PCDHA7: variants seen among roughly 807,000 people sequenced by gnomAD.
PCDHA7 encodes the protein protocadherin alpha 7, also known as protocadherin alpha-7.
Under a neutral mutation model 57.2 loss-of-function variants are expected in PCDHA7, and 37 were observed. The observed-to-expected ratio is 0.65, with a 90% CI of 0.50 to 0.85. The LOEUF is 0.85. PCDHA7 is among the 40% of genes least tolerant of loss of function. The pLI, the probability that PCDHA7 is intolerant of heterozygous loss-of-function variation, is 0.00. For missense variants in PCDHA7, 1,188 were observed against 1,241.8 expected (o/e 0.96, Z 0.65); for synonymous variants, 553 against 558.8 (o/e 0.99, Z 0.15).
chr5:140,942,601 G>T (rs562403777), intron 1 of PCDHA7, among the ~76,000 whole-genome samples: 1 of 130,586 alleles, frequency 7.7e-6, no homozygotes, highest in South Asian at 2.4e-4. Flanking sequence ...TAATTATAGT[G>T]TTTATATTTG....
intron 1 of PCDHA7, among the ~76,000 whole-genome samples, chr5:140,923,218 TCG>T (rs1584297306): frequency 7.4e-6 from 1 of 135,282 alleles, no homozygotes; most frequent in Non-Finnish European, 1.7e-5. Flanking sequence ...GGTGAAAGGA[TCG>T]TTTGAGCCCA....
intron 1 of PCDHA7, chr5:140,870,486 G>C (rs1318169830): frequency 5.0e-6 from 8 of 1,614,136 alleles, no homozygotes; most frequent in South Asian, 1.1e-5. Context: ...AGTACACCGT[G>C]TTCGTGAAGG....
At chr5:140,991,843 T>G (rs2097475576) in intron 3 of PCDHA7, among the ~76,000 whole-genome samples, 1 of 152,194 alleles carries the variant, frequency 6.6e-6, no homozygotes, top group Admixed American at 6.6e-5. Context: ...GAACCGCACT[T>G]CCAGATACCA....
intron 1 of PCDHA7, chr5:140,841,468 G>C: frequency 6.2e-7 from 1 of 1,612,986 alleles, no homozygotes; most frequent in Non-Finnish European, 8.5e-7. Flanking sequence ...GCCGGATCGC[G>C]CAGGACCTGG....
chr5:140,859,869 C>T (rs2046062813), intron 1 of PCDHA7: 1 of 151,680 alleles, frequency 6.6e-6, no homozygotes, highest in South Asian at 2.1e-4. Flanking sequence ...TATATACTTC[C>T]CCCTCTGATA....
At chr5:140,969,241 A>G (rs1554231627) in intron 1 of PCDHA7, 2 of 1,614,230 alleles carry the variant, frequency 1.2e-6, no homozygotes, top group Admixed American at 3.3e-5. Context: ...CCCAAGCAGC[A>G]GTGACTGACA....
At chr5:140,884,193 C>T (rs1554181316) in intron 1 of PCDHA7, 2 of 1,613,432 alleles carry the variant, frequency 1.2e-6, no homozygotes, top group African/African-American at 1.3e-5. Flanking sequence ...GAGGTGGACG[C>T]GCCGCACCAC....
intron 1 of PCDHA7, among the ~76,000 whole-genome samples, chr5:140,912,343 ATTT>A (rs35252606): frequency 2.8e-5 from 4 of 143,838 alleles, no homozygotes; most frequent in African/African-American, 5.1e-5. Context: ...TACACTAAGT[ATTT>A]TTTTTTTTTT....
At chr5:140,941,244 T>TTTCG (rs2092953100) in intron 1 of PCDHA7, among the ~76,000 whole-genome samples, 1 of 141,602 alleles carries the variant, frequency 7.1e-6, no homozygotes, top group South Asian at 2.3e-4. Context: ...TCTTTCTTTC[T>TTTCG]TTCTTTCTTT....
At chr5:140,841,728 A>G (rs1777450155) in intron 1 of PCDHA7, 3 of 1,613,768 alleles carry the variant, frequency 1.9e-6, no homozygotes, top group Admixed American at 3.3e-5. Flanking sequence ...TTCCGGGTAA[A>G]AGACCAAAAG....
chr5:140,928,959 T>C (rs782250969), intron 1 of PCDHA7: 1 of 1,613,980 alleles, frequency 6.2e-7, no homozygotes, highest in South Asian at 1.1e-5. Context: ...TTGCCTTGGC[T>C]TGTATTTCCT....
intron 1 of PCDHA7, chr5:140,882,203 T>C: frequency 6.5e-7 from 1 of 1,530,090 alleles, no homozygotes; most frequent in East Asian, 2.3e-5. Context: ...AATTGGGCCT[T>C]GAGAGACAGT....
rs185914290 is a variant in PCDHA7, at chr5:140,920,039, G to C, written c.2356-58910G>C. ...AGATGGAGACAGAGATTGGAGTGAT[G>C]TCAACAGCCACCAACACCTGGAAAA... On this transcript the variant is annotated intron_variant, in intron 1 of 3. Transcript: ENST00000525929. Among the ~76,000 whole-genome samples, 5 of 152,280 alleles carry C rather than the reference G, an allele frequency of 3.3e-5. No homozygotes were observed. In the South Asian group the frequency reaches 1.0e-3, roughly 32 times the overall value.
At position 140,941,191 on chromosome 5, in the gene PCDHA7, TTTTCTTTCTTCC is replaced by T. The variant is rs1293685535; in HGVS notation, c.2356-37735_2356-37724del. 2.6e-3 allele frequency among the ~76,000 whole-genome samples: 239 copies of T among 93,120 alleles called. 3 individuals are homozygous for T. Among genetic ancestry groups the T allele is most frequent in the East Asian group, 5.8e-3 (18 of 3,094 alleles). The allele number at this position is 93,120 out of a possible 152,430, so 61.1% of individuals were successfully genotyped here. ...CATCTTGAACATCCTGCTTCTTTTT[TTTTCTTTCTTCC>T]TTTCTTTCTTCCTTTCTTTCTTTCT... is the stretch of plus-strand genomic sequence containing the variant. On this transcript the variant is annotated intron_variant, in intron 1 of 3. Transcript: ENST00000525929.
rs2098422568 is a variant in PCDHA7 at position 141,011,988 on chromosome 5, C to A, written c.*2051C>A. ...AAACTGTCTTGTCTACTTTTAGCTTCATTCTCCCATATTTTGAAGGGTGTG... is the reference window on the plus strand; with the variant it reads ...AAACTGTCTTGTCTACTTTTAGCTTAATTCTCCCATATTTTGAAGGGTGTG... On this transcript the variant is annotated 3_prime_UTR_variant, in exon 4 of 4. Coordinates refer to ENST00000525929, the MANE Select transcript of PCDHA7 (RefSeq NM_018910.3). 6.5e-6 allele frequency: 1 copy of A among 153,688 alleles called. No individual in the cohort carries two copies. The highest frequency in any genetic ancestry group is 2.4e-5 in the African/African-American group (1 of 41,434). 9.5% of individuals were successfully genotyped at this position (153,688 alleles called of 1,614,324 possible). A position where few individuals can be genotyped will look rare whatever the true frequency, so the allele number is the denominator to read the frequency against.
At position 140,967,010 on chromosome 5, in the gene PCDHA7, C is replaced by T. The variant is rs781936791; in HGVS notation, c.2356-11939C>T. 7 of 1,606,340 alleles carry T rather than the reference C, an allele frequency of 4.4e-6. No individual in the cohort carries two copies. In the South Asian group the frequency reaches 6.6e-5, roughly 15 times the overall value. On this transcript the variant is annotated intron_variant, in intron 1 of 3. Coordinates refer to ENST00000525929, the MANE Select transcript of PCDHA7 (RefSeq NM_018910.3). ...GCCGGGTTGCTTGCGCATCAACCAT[C>T]TGGGTGCGCCCAGTCCGCGCTACCT...
At chr5:140,877,549 C>T in intron 1 of PCDHA7, 1 of 1,613,788 alleles carries the variant, frequency 6.2e-7, no homozygotes, top group Non-Finnish European at 8.5e-7. Flanking sequence ...CGAAGCGGCT[C>T]TGGTGGATAT....
chr5:140,886,944 C>A (rs577897989), intron 1 of PCDHA7, among the ~76,000 whole-genome samples: 2 of 152,010 alleles, frequency 1.3e-5, no homozygotes, highest in African/African-American at 4.8e-5. Context: ...ATGTTCTACA[C>A]ATTAGACATT....
intron 3 of PCDHA7, among the ~76,000 whole-genome samples, chr5:140,997,698 ATGTT>A (rs1297045627): frequency 1.4e-5 from 2 of 145,558 alleles, no homozygotes; most frequent in African/African-American, 5.1e-5. Flanking sequence ...GTGTGTGTGT[ATGTT>A]AACAAACACC....
Sources: gnomAD v4.1 joint callset for allele counts (sites outside exome capture counted in the v4.1 genomes callset) on GRCh38, gnomAD v4.1.1 for gene constraint, MANE v1.5 for transcripts, NCBI Gene and HGNC (gene_info 2026-07-23, HGNC 2026-07-21) for gene names.